The following RAB11FIP4 variants were observed in gnomAD, a reference collection of about 807,000 sequenced individuals.
RAB11FIP4 encodes the protein RAB11 family interacting protein 4.
RAB11FIP4 carries 23 observed loss-of-function variants against 74.3 expected under a neutral mutation model. That is an observed-to-expected ratio of 0.31 (90% CI 0.22 to 0.44). The LOEUF (loss-of-function observed/expected upper bound fraction) is 0.44, where lower values mean the gene tolerates loss of function less well. RAB11FIP4 is among the 20% of genes least tolerant of loss of function. The probability of loss-of-function intolerance (pLI) is 1.00; values close to 1 mark genes in which losing one functional copy is unlikely to be tolerated. For synonymous variants in RAB11FIP4, 360 were observed against 359.9 expected (o/e 1.00, Z 0.00); for missense variants, 630 against 863.9 (o/e 0.73, Z 3.39).
chr17:31,431,649 G>T, intron 1 of RAB11FIP4, 164 bp from the exon 2 acceptor site: 1 of 594,836 alleles, frequency 1.7e-6, no homozygotes. Context: ...TCACCATGGG[G>T]AGAATAAAGT....
intron 3 of RAB11FIP4, among the ~76,000 whole-genome samples, chr17:31,489,052 C>T (rs1458222106): frequency 6.6e-6 from 1 of 152,250 alleles, no homozygotes; most frequent in African/African-American, 2.4e-5. Context: ...GGAAATGACA[C>T]CTCACTCGCC....
chr17:31,402,215 A>ATCCG (rs2070993799), intron 1 of RAB11FIP4, among the ~76,000 whole-genome samples: 1 of 151,446 alleles, frequency 6.6e-6, no homozygotes, highest in Non-Finnish European at 1.5e-5. Context: ...CCATCCATCC[A>ATCCG]TCCATCCATC....
In RAB11FIP4 at chr17:31,528,643, G is replaced by A. The variant is rs2074149; in HGVS notation, c.1518G>A (p.Glu506=). 148,185 of 1,613,366 alleles carry A rather than the reference G, an allele frequency of 0.092. 7,851 individuals carry two copies. Among genetic ancestry groups the A allele is most frequent in the East Asian group, 0.27 (12,275 of 44,854 alleles). The stretch of plus-strand genomic sequence containing the variant: ...AGCTCATCGAGGACTTGCGGAAGGA[G>A]CTGGAGCACCTGCAGATGTACAAGC... ...TQELIEDLRK[E]LEHLQMYKLD... Residue 506 remains glutamate, a synonymous_variant, in exon 13 of 15, where the codon GAG becomes GAA. Coordinates refer to ENST00000621161, the MANE Select transcript of RAB11FIP4 (RefSeq NM_032932.6).
chr17:31,499,355 CT>C (rs2072175061), intron 3 of RAB11FIP4, among the ~76,000 whole-genome samples: 2 of 151,978 alleles, frequency 1.3e-5, no homozygotes, highest in South Asian at 2.1e-4. Flanking sequence ...TTCCTTCTTC[CT>C]TTCTTTCTTC....
chr17:31,530,129 T>A (rs1042884839), intron 13 of RAB11FIP4, among the ~76,000 whole-genome samples, 197 bp from the exon 14 acceptor site: 1 of 152,204 alleles, frequency 6.6e-6, no homozygotes, highest in African/African-American at 2.4e-5. Context: ...GCCAGTCCCC[T>A]GGACCAGGAC....
chr17:31,516,340 G>A (rs552194979), intron 3 of RAB11FIP4, among the ~76,000 whole-genome samples: 2 of 152,066 alleles, frequency 1.3e-5, no homozygotes, highest in Admixed American at 6.6e-5. Context: ...TCTAGAAGCC[G>A]TTTGGCTTCC....
chr17:31,455,498 T>G (rs2071570507), intron 3 of RAB11FIP4, among the ~76,000 whole-genome samples: 1 of 152,220 alleles, frequency 6.6e-6, no homozygotes, highest in Non-Finnish European at 1.5e-5. Context: ...ATAATCCTTA[T>G]GCCAAAGTGG....
In RAB11FIP4 at chr17:31,498,032, G is replaced by T. The variant is rs142870699; in HGVS notation, c.337-19619G>T. ...GGTGCCCAGGAGCCTGGGGTACTAG[G>T]GAAGGGGAGAGGCAGAGCATGTCCT... On this transcript the variant is annotated intron_variant, in intron 3 of 14. Coordinates refer to ENST00000621161, the MANE Select transcript of RAB11FIP4 (RefSeq NM_032932.6). Among the ~76,000 whole-genome samples, 302 of 152,286 alleles carry T rather than the reference G, an allele frequency of 2.0e-3. 2 individuals are homozygous for T. Among genetic ancestry groups the T allele is most frequent in the Non-Finnish European group, 3.8e-3 (259 of 68,020 alleles).
chr17:31,497,948 G>C lies in RAB11FIP4; in HGVS notation c.337-19703G>C, dbSNP rs114642760. 5.2e-3 allele frequency among the ~76,000 whole-genome samples: 797 copies of C among 152,244 alleles called. 5 individuals are homozygous for C. The highest frequency in any genetic ancestry group is 0.018 in the African/African-American group (746 of 41,544). On this transcript the variant is annotated intron_variant, in intron 3 of 14. Coordinates refer to ENST00000621161, the MANE Select transcript of RAB11FIP4 (RefSeq NM_032932.6). ...TTCGAAGCCCCCTCTTTGATGAGGT[G>C]GTGCTTATGCCCCCTGTGCATAAGA...
At chr17:31,523,470 G>T (rs2142820934) in intron 7 of RAB11FIP4, 42 bp from the exon 8 acceptor site, 1 of 1,526,920 alleles carries the variant, frequency 6.5e-7, no homozygotes, top group East Asian at 2.2e-5. Context: ...CCCTGTCTCT[G>T]GAAGGCCCCT....
chr17:31,395,388 G>A (rs915210480), intron 1 of RAB11FIP4, among the ~76,000 whole-genome samples: 1 of 152,178 alleles, frequency 6.6e-6, no homozygotes, highest in Non-Finnish European at 1.5e-5. Context: ...AAAGGGTAGA[G>A]TTTGGAAAGT....
chr17:31,467,880 C>T (rs908643149), intron 3 of RAB11FIP4, among the ~76,000 whole-genome samples: 3 of 152,216 alleles, frequency 2.0e-5, no homozygotes, highest in African/African-American at 4.8e-5. Context: ...CAGCTGAAAC[C>T]GGCCTTTTGC....
At chr17:31,491,916 T>C (rs1597951783) in intron 3 of RAB11FIP4, among the ~76,000 whole-genome samples, 1 of 152,314 alleles carries the variant, frequency 6.6e-6, no homozygotes, top group African/African-American at 2.4e-5. Flanking sequence ...CAGACGAGCC[T>C]GTCCATGTGA....
Position 31,522,048 on chromosome 17 carries a change from A to G in RAB11FIP4, c.892A>G (p.Ser298Gly), listed in dbSNP as rs918422849. 2.5e-6 allele frequency: 4 copies of G among 1,614,046 alleles called. No individual in the cohort carries two copies. Among genetic ancestry groups the G allele is most frequent in the East Asian group, 2.2e-5 (1 of 44,876 alleles). The change falls in exon 6 of 15, where the codon AGC (serine) becomes GGC (glycine). Residue 298 changes from serine to glycine, a missense_variant and splice_region_variant. Ser to Gly is a moderately conservative substitution (Grantham distance 56, BLOSUM62 0). Transcript: ENST00000621161. Reference protein sequence around the residue: ...EARLKNLKANSPNRKISSTAF... With the variant: ...EARLKNLKANGPNRKISSTAF... ...CCGACTGAAAAACCTGAAGGCCAAC[A>G]GGTGAGGCCCAGGCCCAGCTGGGGG...
intron 3 of RAB11FIP4, among the ~76,000 whole-genome samples, chr17:31,490,423 G>T (rs1267151201): frequency 6.6e-6 from 1 of 152,178 alleles, no homozygotes; most frequent in African/African-American, 2.4e-5. Flanking sequence ...GGTAAGGAGG[G>T]GGTGAAGGGG....
At chr17:31,483,957 C>G (rs1279837556) in intron 3 of RAB11FIP4, among the ~76,000 whole-genome samples, 1 of 152,050 alleles carries the variant, frequency 6.6e-6, no homozygotes. Context: ...GCCTGTAATC[C>G]CAGCATTTTG....
At chr17:31,476,615 A>C (rs919475352) in intron 3 of RAB11FIP4, among the ~76,000 whole-genome samples, 1 of 152,190 alleles carries the variant, frequency 6.6e-6, no homozygotes, top group Non-Finnish European at 1.5e-5. Context: ...TCACCCCATG[A>C]ATGTGGCCTT....
intron 1 of RAB11FIP4, among the ~76,000 whole-genome samples, chr17:31,418,997 T>C (rs143719424): frequency 2.0e-5 from 3 of 152,194 alleles, no homozygotes; most frequent in Non-Finnish European, 4.4e-5. Context: ...TTTGTCACTA[T>C]GGTTTTGCCT....
intron 3 of RAB11FIP4, among the ~76,000 whole-genome samples, chr17:31,439,616 G>C (rs938585661): frequency 2.6e-5 from 4 of 151,874 alleles, no homozygotes; most frequent in African/African-American, 7.3e-5. Flanking sequence ...TCTGTTTTTT[G>C]CTTGTTTGTT....
Sources: allele counts gnomAD v4.1 joint callset (sites outside exome capture counted in the v4.1 genomes callset), GRCh38; gene constraint gnomAD v4.1.1; transcripts MANE v1.5; gene names NCBI Gene and HGNC (gene_info 2026-07-23, HGNC 2026-07-21).